The following SSBP3 variants were observed in gnomAD, a reference collection of about 807,000 sequenced individuals.
SSBP3 encodes the protein single stranded DNA binding protein 3, also known as single-stranded DNA-binding protein 3.
SSBP3 carries 5 observed loss-of-function variants against 69.6 expected under a neutral mutation model. That is an observed-to-expected ratio of 0.07 (90% confidence interval 0.04 to 0.15). The LOEUF (loss-of-function observed/expected upper bound fraction) is 0.15. Among genes scored for constraint, SSBP3 ranks in the 10% least tolerant of loss-of-function variants. The pLI is 1.00. For synonymous variants in SSBP3, 196 were observed against 193.4 expected (o/e 1.01, Z -0.11); for missense variants, 312 against 534.0 (o/e 0.58, Z 4.10).
intron 4 of SSBP3, among the ~76,000 whole-genome samples, chr1:54,382,985 C>CA (rs781100304): frequency 0.57 from 51,374 of 90,132 alleles, 13,298 homozygotes; most frequent in African/African-American, 0.7. Context: ...AACTCCATGA[C>CA]AAAAAAAAAA....
At chr1:54,228,657 G>A in intron 15 of SSBP3, 91 bp downstream of exon 15, 1 of 1,503,408 alleles carries the variant, frequency 6.7e-7, no homozygotes, top group Non-Finnish European at 9.0e-7. Context: ...GCCGGCCAGG[G>A]CTCTGTACCA....
At chr1:54,361,086 T>C (rs1028853190) in intron 4 of SSBP3, among the ~76,000 whole-genome samples, 1 of 151,930 alleles carries the variant, frequency 6.6e-6, no homozygotes, top group Non-Finnish European at 1.5e-5. Context: ...TGAGACCCTG[T>C]CTCAAAAAAA....
chr1:54,381,785 G>A (rs1452356554), intron 4 of SSBP3, among the ~76,000 whole-genome samples: 1 of 152,244 alleles, frequency 6.6e-6, no homozygotes, highest in Non-Finnish European at 1.5e-5. Context: ...AGGGTGCTGG[G>A]GCAAGCCCAG....
intron 5 of SSBP3, among the ~76,000 whole-genome samples, chr1:54,268,243 G>C (rs1262790588): frequency 6.6e-6 from 1 of 152,228 alleles, no homozygotes; most frequent in African/African-American, 2.4e-5. Context: ...CCCCAGAACA[G>C]ATTTCCTTCA....
chr1:54,397,007 C>T (rs1648937323), intron 4 of SSBP3, among the ~76,000 whole-genome samples: 1 of 152,122 alleles, frequency 6.6e-6, no homozygotes, highest in African/African-American at 2.4e-5. Context: ...GAAAACAGGG[C>T]GGGAGCTTAA....
chr1:54,325,893 G>A (rs1350287728), intron 4 of SSBP3, among the ~76,000 whole-genome samples: 1 of 152,106 alleles, frequency 6.6e-6, no homozygotes, highest in Non-Finnish European at 1.5e-5. Flanking sequence ...GATAATCAAA[G>A]GGAAAATCCT....
intron 4 of SSBP3, among the ~76,000 whole-genome samples, chr1:54,287,863 G>T (rs1449087664): frequency 6.6e-6 from 1 of 152,184 alleles, no homozygotes; most frequent in Non-Finnish European, 1.5e-5. Flanking sequence ...GAGAACAGGG[G>T]CTCTAATTGT....
intron 4 of SSBP3, among the ~76,000 whole-genome samples, chr1:54,375,381 A>G (rs1170165729): frequency 6.6e-6 from 1 of 152,032 alleles, no homozygotes; most frequent in Non-Finnish European, 1.5e-5. Flanking sequence ...TTATTTAGCA[A>G]AGATGTGTGG....
At chr1:54,227,367 CT>C (rs1644305561) in intron 17 of SSBP3, among the ~76,000 whole-genome samples, 1 of 152,168 alleles carries the variant, frequency 6.6e-6, no homozygotes, top group African/African-American at 2.4e-5. Flanking sequence ...CTAAGAGCCA[CT>C]TCTCAGTGCC....
intron 4 of SSBP3, among the ~76,000 whole-genome samples, chr1:54,368,763 G>A (rs2100665084): frequency 6.6e-6 from 1 of 152,328 alleles, no homozygotes; most frequent in Non-Finnish European, 1.5e-5. Context: ...TCTCACTGAA[G>A]AGCTGGGAAA....
intron 14 of SSBP3, chr1:54,237,450 G>C (rs1644517334): frequency 6.6e-6 from 1 of 152,156 alleles, no homozygotes; most frequent in Non-Finnish European, 1.5e-5. Flanking sequence ...AAAAAACCTT[G>C]ATTTAGAAAG....
At chr1:54,401,971 T>G in intron 3 of SSBP3, 26 bp from the exon 4 acceptor site, 7 of 1,599,340 alleles carry the variant, frequency 4.4e-6, no homozygotes, top group Non-Finnish European at 6.0e-6. Context: ...TAAAATAAGG[T>G]CAGGTTACTA....
chr1:54,319,049 C>T (rs974229323), intron 4 of SSBP3, among the ~76,000 whole-genome samples: 5 of 152,164 alleles, frequency 3.3e-5, no homozygotes, highest in African/African-American at 9.7e-5. Context: ...CCACACCACA[C>T]CAGCTGCAGC....
intron 4 of SSBP3, among the ~76,000 whole-genome samples, chr1:54,376,004 CAGGG>C (rs1647219946): frequency 6.6e-6 from 1 of 151,932 alleles, no homozygotes; most frequent in African/African-American, 2.4e-5. Context: ...GGATACAGGG[CAGGG>C]AGGGAGGGGG....
chr1:54,377,334 G>A (rs1040021476), intron 4 of SSBP3, among the ~76,000 whole-genome samples: 1 of 152,250 alleles, frequency 6.6e-6, no homozygotes, highest in Middle Eastern at 3.2e-3. Flanking sequence ...AAGGGCAGGA[G>A]TGCTCCAACA....
chr1:54,307,089 C>A (rs1645913818), intron 4 of SSBP3, among the ~76,000 whole-genome samples: 1 of 152,190 alleles, frequency 6.6e-6, no homozygotes, highest in Non-Finnish European at 1.5e-5. Flanking sequence ...ACTACCTGGG[C>A]ACCCTAAAAT....
At chr1:54,366,608 C>T (rs1647032824) in intron 4 of SSBP3, among the ~76,000 whole-genome samples, 1 of 152,138 alleles carries the variant, frequency 6.6e-6, no homozygotes, top group African/African-American at 2.4e-5. Context: ...AGGACATCCT[C>T]CAACTAGTTA....
intron 9 of SSBP3, among the ~76,000 whole-genome samples, chr1:54,246,756 C>T (rs574141445): frequency 5.3e-5 from 8 of 152,344 alleles, no homozygotes; most frequent in Non-Finnish European, 1.0e-4. Flanking sequence ...AACTTGAAGG[C>T]CCAGAAAGCC....
At chr1:54,233,474 G>A (rs1297136027) in intron 14 of SSBP3, among the ~76,000 whole-genome samples, 6 of 151,208 alleles carry the variant, frequency 4.0e-5, no homozygotes, top group African/African-American at 7.4e-5. Context: ...CAGCCACACC[G>A]TCTGGGAGGG....
Sources: allele counts gnomAD v4.1 joint callset (sites outside exome capture counted in the v4.1 genomes callset), GRCh38; gene constraint gnomAD v4.1.1; transcripts MANE v1.5; gene names NCBI Gene and HGNC (gene_info 2026-07-23, HGNC 2026-07-21).